Variants in PSIP1 observed in about 807,000 individuals in gnomAD.
The protein encoded by PSIP1 is PC4 and SFRS1-interacting protein.
PSIP1 carries 19 observed loss-of-function variants against 74.7 expected under a neutral mutation model. The ratio of observed to expected loss-of-function variants is 0.25; its 90% CI spans 0.18 to 0.37. PSIP1 has a LOEUF of 0.37. Ranked by LOEUF, PSIP1 falls within the 10% of genes least tolerant of loss-of-function variation. The pLI is 1.00. For missense variants in PSIP1, 601 were observed against 614.3 expected (o/e 0.98, Z 0.23); for synonymous variants, 222 against 195.3 (o/e 1.14, Z -1.14).
chr9:15,477,793 AATT>A (rs1296345103), intron 8 of PSIP1, among the ~76,000 whole-genome samples: 2 of 152,094 alleles, frequency 1.3e-5, no homozygotes, highest in Non-Finnish European at 2.9e-5. Flanking sequence ...TACATACAAA[AATT>A]ATTTTAGCCC....
chr9:15,498,701 A>T (rs929514166), intron 3 of PSIP1, among the ~76,000 whole-genome samples: 11 of 152,214 alleles, frequency 7.2e-5, no homozygotes, highest in African/African-American at 9.6e-5. Context: ...TAAATGCAGG[A>T]TATAATTATA....
intron 10 of PSIP1, chr9:15,471,705 A>C: frequency 1.0e-6 from 1 of 965,610 alleles, no homozygotes; most frequent in South Asian, 4.8e-5. Flanking sequence ...CAAACTAAGA[A>C]AGCAGAGTAA....
chr9:15,499,419 C>T (rs578243695), intron 3 of PSIP1, among the ~76,000 whole-genome samples: 2 of 152,182 alleles, frequency 1.3e-5, no homozygotes, highest in Non-Finnish European at 2.9e-5. Flanking sequence ...ATGGCACACA[C>T]GTTGAAGCCC....
At chr9:15,488,758 A>C (rs530654592) in intron 4 of PSIP1, among the ~76,000 whole-genome samples, 2 of 152,078 alleles carry the variant, frequency 1.3e-5, no homozygotes, top group East Asian at 1.9e-4. Flanking sequence ...ACAGTGGCTC[A>C]GGCCTGTAAT....
intron 14 of PSIP1, among the ~76,000 whole-genome samples, chr9:15,467,981 G>A (rs976732216): frequency 2.6e-5 from 4 of 152,134 alleles, no homozygotes; most frequent in South Asian, 4.1e-4. Context: ...TTAGCTAGGT[G>A]TGGTGGCGTA....
intron 4 of PSIP1, among the ~76,000 whole-genome samples, chr9:15,489,731 G>A (rs925307425): frequency 6.6e-6 from 1 of 151,352 alleles, no homozygotes; most frequent in Non-Finnish European, 1.5e-5. Flanking sequence ...TATATTCAAT[G>A]ACGTATTAAA....
intron 8 of PSIP1, among the ~76,000 whole-genome samples, chr9:15,475,816 G>A (rs1421199216): frequency 6.6e-6 from 1 of 152,122 alleles, no homozygotes; most frequent in African/African-American, 2.4e-5. Context: ...ACAGACTTGT[G>A]ACAACTTCCC....
chr9:15,479,211 A>G (rs770686521), intron 7 of PSIP1, among the ~76,000 whole-genome samples: 9 of 152,148 alleles, frequency 5.9e-5, no homozygotes, highest in Non-Finnish European at 1.0e-4. Flanking sequence ...AATCCCTATC[A>G]ATAAAGAACG....
At chr9:15,505,466 CTAAT>C (rs1347406371) in intron 3 of PSIP1, 2 of 152,148 alleles carry the variant, frequency 1.3e-5, no homozygotes, top group Non-Finnish European at 2.9e-5. Flanking sequence ...GAACCTAACT[CTAAT>C]TATGATGAAG....
Position 15,465,177 on chromosome 9 carries a change from T to C in PSIP1, c.*343A>G. The C allele has an allele frequency of 4.0e-6, 1 of 249,742 alleles. No homozygotes were observed. The highest frequency in any genetic ancestry group is 7.7e-6 in the Non-Finnish European group (1 of 129,520). The allele number at this position is 249,742 out of a possible 1,614,324, so 15.5% of individuals were successfully genotyped here. A position where few individuals can be genotyped will look rare whatever the true frequency, so the allele number is the denominator to read the frequency against. ...AGTATTTGGGAAAAGAGGCAAGGTT[T>C]ATACAAGTAGCAGTTTTAAAAATGT... On this transcript the variant is annotated 3_prime_UTR_variant, in exon 16 of 16. Transcript: ENST00000380733.
At chr9:15,473,655 C>T (rs2035939493) in intron 9 of PSIP1, among the ~76,000 whole-genome samples, 1 of 152,110 alleles carries the variant, frequency 6.6e-6, no homozygotes, top group Admixed American at 6.6e-5. Flanking sequence ...AATCCCGGCA[C>T]TTTGGGAGGC....
chr9:15,508,713 T>G (rs1218039401), intron 2 of PSIP1, among the ~76,000 whole-genome samples: 3 of 152,200 alleles, frequency 2.0e-5, no homozygotes, highest in Non-Finnish European at 4.4e-5. Context: ...CTAGGCTCCA[T>G]TTGAACGTGA....
chr9:15,501,084 A>G (rs928629939), intron 3 of PSIP1, among the ~76,000 whole-genome samples: 3 of 152,208 alleles, frequency 2.0e-5, no homozygotes, highest in Non-Finnish European at 4.4e-5. Flanking sequence ...AGGCAAGATA[A>G]TATTATCCCC....
At chr9:15,497,325 C>CTGTTTTTTTTTT (rs2037124366) in intron 3 of PSIP1, among the ~76,000 whole-genome samples, 1 of 118,594 alleles carries the variant, frequency 8.4e-6, no homozygotes, top group Non-Finnish European at 1.7e-5. Context: ...TCTATGATTC[C>CTGTTTTTTTTTT]TTTTTTTTTT....
intron 2 of PSIP1, 101 bp from the exon 3 acceptor site, chr9:15,506,738 A>T: frequency 1.1e-6 from 1 of 900,500 alleles, no homozygotes. Flanking sequence ...TTCTGTTATA[A>T]AATGGGCCAG....
Position 15,510,272 on chromosome 9 carries a change from GCCCA to G in PSIP1, c.-88_-85del. Reference sequence around the variant, plus strand: ...GCGGGGATGCGGGCGGCGGACGCGGGCCCAGCTACCGGGCCCGCGGGCGGGGGAG... The same window carrying G: ...GCGGGGATGCGGGCGGCGGACGCGGGGCTACCGGGCCCGCGGGCGGGGGAG... On this transcript the variant is annotated 5_prime_UTR_variant, in exon 2 of 16. Coordinates refer to ENST00000380733, the MANE Select transcript of PSIP1 (RefSeq NM_033222.5). 1 of 1,298,538 alleles carries G rather than the reference GCCCA, an allele frequency of 7.7e-7. No homozygotes were observed. The highest frequency in any genetic ancestry group is 1.1e-6 in the Non-Finnish European group (1 of 942,558). 80.4% of individuals were successfully genotyped at this position (1,298,538 alleles called of 1,614,324 possible). A position where few individuals can be genotyped will look rare whatever the true frequency, so the allele number is the denominator to read the frequency against.
intron 3 of PSIP1, among the ~76,000 whole-genome samples, chr9:15,495,773 C>A (rs2037045858): frequency 6.6e-6 from 1 of 152,084 alleles, no homozygotes; most frequent in African/African-American, 2.4e-5. Context: ...AATAGGATAT[C>A]TTCATATTTT....
chr9:15,468,343 G>A (rs1264306600), intron 14 of PSIP1: 2 of 618,690 alleles, frequency 3.2e-6, no homozygotes, highest in East Asian at 7.5e-5. Context: ...CTAGGGATTA[G>A]GAGGCATTGT....
chr9:15,469,245 TAAATG>T lies in PSIP1; in HGVS notation c.1104+16_1104+20del, dbSNP rs773845454. On this transcript the variant is annotated intron_variant, in intron 12 of 15. Transcript: ENST00000380733. ...AGCTATAAATGCAGTACTGAAGTAT[TAAATG>T]AAGTTAAACACTTACAAGATTATCA... is the stretch of plus-strand genomic sequence containing the variant. 6 of 1,452,808 alleles carry T rather than the reference TAAATG, an allele frequency of 4.1e-6. No homozygotes were observed. Among genetic ancestry groups the T allele is most frequent in the Non-Finnish European group, 5.7e-6 (6 of 1,054,076 alleles). The allele number at this position is 1,452,808 out of a possible 1,614,324, so 90.0% of individuals were successfully genotyped here.
Sources: allele counts gnomAD v4.1 joint callset (sites outside exome capture counted in the v4.1 genomes callset), GRCh38; gene constraint gnomAD v4.1.1; transcripts MANE v1.5; gene names NCBI Gene and HGNC (gene_info 2026-07-23, HGNC 2026-07-21).